Variants in CD55 observed in about 807,000 individuals in gnomAD.
CD55 encodes the protein complement decay-accelerating factor.
Under a neutral mutation model 45.8 loss-of-function variants are expected in CD55, and 41 were observed. The ratio of observed to expected loss-of-function variants is 0.90; its 90% CI spans 0.70 to 1.16. The LOEUF (loss-of-function observed/expected upper bound fraction) is 1.16, where lower values mean the gene tolerates loss of function less well. Ranked by LOEUF, CD55 falls within the 50% of genes most tolerant of loss-of-function variation. CD55 has a pLI of 0.00. For missense variants in CD55, 416 were observed against 469.8 expected (o/e 0.89, Z 1.06); for synonymous variants, 181 against 181.1 (o/e 1.00, Z 0.01).
At chr1:207,338,053 G>A (rs1202349040) in intron 8 of CD55, among the ~76,000 whole-genome samples, 2 of 151,992 alleles carry the variant, frequency 1.3e-5, no homozygotes, top group Non-Finnish European at 2.9e-5. Flanking sequence ...GCCAGCACCT[G>A]GATATTTTTA....
At chr1:207,349,508 C>T (rs1236216347) in intron 9 of CD55, among the ~76,000 whole-genome samples, 1 of 152,130 alleles carries the variant, frequency 6.6e-6, no homozygotes, top group Non-Finnish European at 1.5e-5. Flanking sequence ...AATATTTATT[C>T]TTCCTATGCA....
intron 3 of CD55, 45 bp downstream of exon 3, chr1:207,324,795 G>A (rs1273583490): frequency 8.2e-7 from 1 of 1,219,926 alleles, no homozygotes; most frequent in African/African-American, 1.5e-5. Flanking sequence ...TGGTGTTTGG[G>A]GGAAATAGTA....
At chr1:207,334,135 C>G (rs1655068720) in intron 6 of CD55, among the ~76,000 whole-genome samples, 1 of 152,006 alleles carries the variant, frequency 6.6e-6, no homozygotes, top group African/African-American at 2.4e-5. Flanking sequence ...TAAAACCACT[C>G]GTAGCAAAAA....
At chr1:207,342,007 G>C (rs986739692) in intron 9 of CD55, among the ~76,000 whole-genome samples, 5 of 151,672 alleles carry the variant, frequency 3.3e-5, no homozygotes, top group African/African-American at 1.2e-4. Context: ...TTTAGTTATT[G>C]TCAATGGAAT....
rs1440955461 is a variant in CD55 at position 207,350,165 on chromosome 1, T to A, written c.1082-9381T>A. ...CTGTTTATGTGATGAATCACATTTA[T>A]TGATTTGGATATGTTGAGCCAACCT... is the stretch of plus-strand genomic sequence containing the variant. On this transcript the variant is annotated intron_variant, in intron 9 of 9. Coordinates refer to ENST00000367064, the MANE Select transcript of CD55 (RefSeq NM_000574.5). The A allele has an allele frequency of 8.8e-6, 4 of 452,624 alleles. No individual in the cohort carries two copies. In the Admixed American group the frequency reaches 9.5e-5, roughly 11 times the overall value. The allele number at this position is 452,624 out of a possible 1,614,324, so 28.0% of individuals were successfully genotyped here.
At chr1:207,331,053 TA>T in intron 5 of CD55, 54 bp from the exon 6 acceptor site, 1 of 1,239,416 alleles carries the variant, frequency 8.1e-7, no homozygotes, top group Non-Finnish European at 1.1e-6. Flanking sequence ...ATCTTATTTG[TA>T]AAAATACTTT....
intron 9 of CD55, among the ~76,000 whole-genome samples, chr1:207,352,195 T>C (rs1414641575): frequency 6.6e-6 from 1 of 151,418 alleles, no homozygotes; most frequent in Non-Finnish European, 1.5e-5. Flanking sequence ...GTTGTGAATT[T>C]TAAATCTTTT....
chr1:207,326,707 A>G (rs1397297816), intron 4 of CD55, 45 bp from the exon 5 acceptor site: 3 of 1,387,184 alleles, frequency 2.2e-6, no homozygotes, highest in Non-Finnish European at 2.0e-6. Flanking sequence ...AAAGTCAAAT[A>G]TGTGTGAATG....
At position 207,358,915 on chromosome 1, in the gene CD55, A is replaced by T. The variant is rs1656178499; in HGVS notation, c.1082-631A>T. On this transcript the variant is annotated intron_variant, in intron 9 of 9. Transcript: ENST00000367064. ...ACAAATATTCGGGGGGAAAGGGATG[A>T]TACATTAGGACTTTTAAAGAGAATG... Among the ~76,000 whole-genome samples, 5 of 152,160 alleles carry T rather than the reference A, an allele frequency of 3.3e-5. No homozygotes were observed. The South Asian group carries it at 1.0e-3, about 32-fold the overall frequency.
intron 6 of CD55, 24 bp from the exon 7 acceptor site, chr1:207,336,669 G>T: frequency 6.2e-7 from 1 of 1,612,262 alleles, no homozygotes; most frequent in East Asian, 2.2e-5. Flanking sequence ...TAGCTAACTT[G>T]TTTCTCAACC....
rs570039992 is a variant in CD55 at position 207,339,492 on chromosome 1, ATAT to A, written c.1081+77_1081+79del. The A allele has an allele frequency of 5.1e-5, 57 of 1,123,666 alleles. 1 individual carries two copies. In the South Asian group the frequency reaches 8.3e-4, roughly 16 times the overall value. The allele number at this position is 1,123,666 out of a possible 1,614,324, so 69.6% of individuals were successfully genotyped here. On this transcript the variant is annotated intron_variant, in intron 9 of 9. Coordinates refer to ENST00000367064, the MANE Select transcript of CD55 (RefSeq NM_000574.5). The stretch of plus-strand genomic sequence containing the variant: ...ATACAATCCATATTCCTGGGAGATA[ATAT>A]TGTCTTCTTGTTTTTAAAAAAATGT...
intron 6 of CD55, among the ~76,000 whole-genome samples, chr1:207,333,209 C>G (rs1415206620): frequency 2.0e-5 from 3 of 152,198 alleles, no homozygotes; most frequent in African/African-American, 7.2e-5. Context: ...CCACAGGTCT[C>G]CCCTTTAGCA....
intron 8 of CD55, 56 bp downstream of exon 8, chr1:207,337,465 A>G: frequency 1.0e-6 from 1 of 954,070 alleles, no homozygotes; most frequent in Non-Finnish European, 1.7e-6. Context: ...TATGGTGGAA[A>G]TATGAACTTG....
intron 8 of CD55, among the ~76,000 whole-genome samples, chr1:207,339,150 ACT>A (rs1385032120): frequency 1.3e-5 from 2 of 152,036 alleles, no homozygotes; most frequent in East Asian, 1.9e-4. Context: ...GTAATCAATA[ACT>A]CTTTATCATA....
chr1:207,325,535 A>C, intron 3 of CD55, 87 bp from the exon 4 acceptor site: 1 of 706,696 alleles, frequency 1.4e-6, no homozygotes, highest in East Asian at 2.8e-5. Flanking sequence ...CAAGCTAATT[A>C]ACATATCTAC....
intron 9 of CD55, among the ~76,000 whole-genome samples, chr1:207,356,812 G>A (rs1299827246): frequency 6.6e-6 from 1 of 152,100 alleles, no homozygotes; most frequent in Non-Finnish European, 1.5e-5. Context: ...TATACATAAT[G>A]TTAAGTATAA....
At chr1:207,341,251 A>G (rs1655414035) in intron 9 of CD55, among the ~76,000 whole-genome samples, 1 of 152,146 alleles carries the variant, frequency 6.6e-6, no homozygotes, top group South Asian at 2.1e-4. Flanking sequence ...CCTTTGCTGT[A>G]CACAAGCTTT....
chr1:207,338,819 G>C (rs575055306), intron 8 of CD55, among the ~76,000 whole-genome samples: 47 of 152,196 alleles, frequency 3.1e-4, no homozygotes, highest in African/African-American at 9.1e-4. Context: ...CACTTTTTCT[G>C]CTGAGTAATA....
At chr1:207,324,506 A>C in intron 2 of CD55, 53 bp from the exon 3 acceptor site, 4 of 1,308,516 alleles carry the variant, frequency 3.1e-6, no homozygotes, top group South Asian at 3.2e-5. Context: ...TATAGATTAT[A>C]AAACAAAAAT....
Sources: allele counts gnomAD v4.1 joint callset (sites outside exome capture counted in the v4.1 genomes callset), GRCh38; gene constraint gnomAD v4.1.1; transcripts MANE v1.5; gene names NCBI Gene and HGNC (gene_info 2026-07-23, HGNC 2026-07-21).